NUBPL: variants seen among roughly 807,000 people sequenced by gnomAD.
NUBPL encodes iron-sulfur cluster transfer protein NUBPL.
A neutral mutation model predicts 45.7 loss-of-function variants in NUBPL; 31 were observed. The observed-to-expected ratio is 0.68, with a 90% CI of 0.51 to 0.92. NUBPL has a LOEUF of 0.92. Ranked by LOEUF, NUBPL falls within the 40% of genes least tolerant of loss-of-function variation. NUBPL has a pLI of 0.00. For synonymous variants in NUBPL, 144 were observed against 140.9 expected (o/e 1.02, Z -0.15); for missense variants, 401 against 398.7 (o/e 1.01, Z -0.05).
intron 7 of NUBPL, among the ~76,000 whole-genome samples, chr14:31,817,932 C>A (rs2039949091): frequency 6.6e-6 from 1 of 151,484 alleles, no homozygotes; most frequent in Non-Finnish European, 1.5e-5. Flanking sequence ...TGTGCAAAGA[C>A]ACACATAGGC....
intron 4 of NUBPL, among the ~76,000 whole-genome samples, chr14:31,626,151 C>T (rs1022942237): frequency 4.0e-5 from 6 of 151,666 alleles, no homozygotes; most frequent in Admixed American, 1.3e-4. Flanking sequence ...TTACCTTTAT[C>T]TTATTTTATT....
At chr14:31,654,197 A>G (rs963889102) in intron 4 of NUBPL, 21 of 387,726 alleles carry the variant, frequency 5.4e-5, no homozygotes, top group African/African-American at 4.4e-4. Flanking sequence ...ACTATACTGT[A>G]GTCCATGAAG....
At chr14:31,718,302 A>C (rs1415371117) in intron 6 of NUBPL, among the ~76,000 whole-genome samples, 2 of 152,144 alleles carry the variant, frequency 1.3e-5, no homozygotes, top group Non-Finnish European at 2.9e-5. Flanking sequence ...TGTCCCAGGG[A>C]AAAGACTGTC....
chr14:31,685,182 A>C (rs2036924659), intron 6 of NUBPL, among the ~76,000 whole-genome samples: 1 of 152,172 alleles, frequency 6.6e-6, no homozygotes. Flanking sequence ...TGTCCACCTG[A>C]TTCCAGTCTG....
At chr14:31,577,946 A>G (rs1487980721) in intron 3 of NUBPL, 15 of 1,288,792 alleles carry the variant, frequency 1.2e-5, no homozygotes, top group Non-Finnish European at 1.5e-5. Context: ...TAGAGTGACC[A>G]TGACTTTCAC....
intron 6 of NUBPL, among the ~76,000 whole-genome samples, chr14:31,688,592 G>GAAAAAAAAAA (rs544662104): frequency 4.0e-3 from 299 of 75,408 alleles, no homozygotes; most frequent in African/African-American, 0.01. Context: ...AGAAAAAAAA[G>GAAAAAAAAAA]AAAAAAAAAA....
At chr14:31,648,901 C>T (rs551125443) in intron 4 of NUBPL, among the ~76,000 whole-genome samples, 44 of 152,280 alleles carry the variant, frequency 2.9e-4, no homozygotes, top group East Asian at 2.1e-3. Context: ...CTCCGCCTCC[C>T]GGGTTCAAGC....
intron 10 of NUBPL, among the ~76,000 whole-genome samples, chr14:31,852,341 C>G (rs79590487): frequency 6.6e-6 from 1 of 152,088 alleles, no homozygotes; most frequent in Non-Finnish European, 1.5e-5. Flanking sequence ...GTGTCCTTGA[C>G]GTGGTATCAA....
rs2034994372 is a variant in NUBPL, at chr14:31,619,242, TGTCA to T, written c.382+19867_382+19870del. ...ATGGGTCTTGACTCTTTATCCAATT[TGTCA>T]GTCTGTGTGTTTTAATTGGGACATT... is the stretch of plus-strand genomic sequence containing the variant. On this transcript the variant is annotated intron_variant, in intron 4 of 10. Coordinates refer to ENST00000281081, the MANE Select transcript of NUBPL (RefSeq NM_025152.3). Among the ~76,000 whole-genome samples, 3 of 152,320 alleles carry T rather than the reference TGTCA, an allele frequency of 2.0e-5. No homozygotes were observed. The South Asian group carries it at 6.2e-4, about 32-fold the overall frequency.
At chr14:31,749,170 G>GT (rs1270194182) in intron 6 of NUBPL, among the ~76,000 whole-genome samples, 1 of 152,180 alleles carries the variant, frequency 6.6e-6, no homozygotes, top group African/African-American at 2.4e-5. Context: ...ATTATTGATT[G>GT]TTTTTTGATT....
At chr14:31,852,213 T>A (rs370578773) in intron 10 of NUBPL, among the ~76,000 whole-genome samples, 2 of 152,162 alleles carry the variant, frequency 1.3e-5, no homozygotes, top group Non-Finnish European at 2.9e-5. Context: ...AATGTGAAAA[T>A]ACCTTGAAAA....
At chr14:31,681,495 C>A (rs577900387) in intron 6 of NUBPL, among the ~76,000 whole-genome samples, 1 of 150,570 alleles carries the variant, frequency 6.6e-6, no homozygotes, top group African/African-American at 2.4e-5. Flanking sequence ...TCAAAAAAAC[C>A]GACTTTTCAC....
intron 3 of NUBPL, among the ~76,000 whole-genome samples, chr14:31,583,777 G>A (rs973365402): frequency 6.6e-6 from 1 of 152,050 alleles, no homozygotes. Flanking sequence ...GTGATATCTT[G>A]GACTGGAGTG....
intron 7 of NUBPL, among the ~76,000 whole-genome samples, chr14:31,813,474 C>CAG (rs2039854390): frequency 4.1e-5 from 6 of 147,592 alleles, no homozygotes; most frequent in Admixed American, 6.8e-5. Context: ...CACATACATA[C>CAG]ATATATATAT....
At chr14:31,807,497 C>T (rs1288994826) in intron 7 of NUBPL, among the ~76,000 whole-genome samples, 3 of 151,794 alleles carry the variant, frequency 2.0e-5, no homozygotes, top group African/African-American at 4.8e-5. Context: ...AATTGGCTTA[C>T]GTTCTTTGTA....
chr14:31,694,171 T>C (rs1397372487), intron 6 of NUBPL, among the ~76,000 whole-genome samples: 1 of 152,164 alleles, frequency 6.6e-6, no homozygotes, highest in Non-Finnish European at 1.5e-5. Context: ...AGGTAGACTT[T>C]CTATATAATA....
intron 4 of NUBPL, among the ~76,000 whole-genome samples, chr14:31,624,403 G>A (rs2035150894): frequency 6.6e-6 from 1 of 152,174 alleles, no homozygotes; most frequent in Non-Finnish European, 1.5e-5. Flanking sequence ...GGTTGGATAT[G>A]TGTTTGGAAT....
chr14:31,701,546 G>C (rs566625079), intron 6 of NUBPL, among the ~76,000 whole-genome samples: 74 of 152,306 alleles, frequency 4.9e-4, no homozygotes, highest in African/African-American at 1.7e-3. Flanking sequence ...CACTCTTTGG[G>C]TCCGCGCCGC....
At chr14:31,787,905 T>A (rs1470289626) in intron 7 of NUBPL, 32 bp downstream of exon 7, 1 of 1,454,884 alleles carries the variant, frequency 6.9e-7, no homozygotes, top group Admixed American at 1.7e-5. Context: ...TAATTTGTAC[T>A]TTTTTTGATG....
Sources: allele counts gnomAD v4.1 joint callset (sites outside exome capture counted in the v4.1 genomes callset), GRCh38; gene constraint gnomAD v4.1.1; transcripts MANE v1.5; gene names NCBI Gene and HGNC (gene_info 2026-07-23, HGNC 2026-07-21).